SHISA9: variants seen among roughly 807,000 people sequenced by gnomAD.
SHISA9 encodes shisa family member 9.
Under a neutral mutation model 38.0 loss-of-function variants are expected in SHISA9, and 13 were observed. That is an observed-to-expected ratio of 0.34 (90% CI 0.22 to 0.54). The LOEUF is 0.54. Among genes scored for constraint, SHISA9 ranks in the 20% least tolerant of loss-of-function variants. The pLI is 0.91. For missense variants in SHISA9, 538 were observed against 575.8 expected, an observed-to-expected ratio of 0.93 and a Z score of 0.67; for synonymous variants, 275 against 242.0, an observed-to-expected ratio of 1.14 and a Z score of -1.27.
the SHISA9 span, among the ~76,000 whole-genome samples, chr16:13,450,997 A>T: frequency 1.3e-5 from 2 of 152,094 alleles, no homozygotes; most frequent in Admixed American, 6.6e-5. Flanking sequence ...CAGTGGTATC[A>T]TCCACAACTG....
the SHISA9 span, among the ~76,000 whole-genome samples, chr16:13,504,852 A>T: frequency 6.6e-6 from 1 of 152,234 alleles, no homozygotes; most frequent in Admixed American, 6.5e-5. Context: ...AAGGTTAAAC[A>T]AATTACTCAA....
At chr16:13,107,420 G>C (rs1226392094) in intron 2 of SHISA9, among the ~76,000 whole-genome samples, 1 of 151,704 alleles carries the variant, frequency 6.6e-6, no homozygotes, top group Non-Finnish European at 1.5e-5. Context: ...GGGCGACAGA[G>C]AGACTCGGTC....
chr16:13,068,549 T>C (rs1206613852), intron 2 of SHISA9, among the ~76,000 whole-genome samples: 1 of 152,182 alleles, frequency 6.6e-6, no homozygotes, highest in East Asian at 1.9e-4. Context: ...GGAGAGAGGA[T>C]GGGTTGTCAG....
chr16:12,910,713 T>G (rs4781353), intron 1 of SHISA9: 494,048 of 984,456 alleles, frequency 0.5, 127,218 homozygotes, highest in Non-Finnish European at 0.53. Flanking sequence ...AAGCTTAGCT[T>G]CTTCTTCAGG....
intron 2 of SHISA9, among the ~76,000 whole-genome samples, chr16:13,171,087 A>G (rs575528084): frequency 1.3e-5 from 2 of 152,338 alleles, no homozygotes; most frequent in South Asian, 4.1e-4. Context: ...GAAGTTTCCA[A>G]TCACGGCCAA....
chr16:12,995,905 G>A (rs983507143), intron 2 of SHISA9, among the ~76,000 whole-genome samples: 2 of 152,104 alleles, frequency 1.3e-5, no homozygotes, highest in Admixed American at 6.6e-5. Flanking sequence ...ATTGGCCAAA[G>A]CATGGACATA....
At chr16:12,911,257 G>A (rs74621282) in intron 1 of SHISA9, 91 of 985,238 alleles carry the variant, frequency 9.2e-5, no homozygotes, top group African/African-American at 2.8e-4. Context: ...TGGATGCACC[G>A]TAACATCTGA....
chr16:12,980,054 G>C (rs146988770), intron 2 of SHISA9, among the ~76,000 whole-genome samples: 1,809 of 152,302 alleles, frequency 0.012, 12 homozygotes, highest in Non-Finnish European at 0.02. Context: ...ACTGATTCAA[G>C]GAACCACACT....
chr16:13,058,666 G>A lies in SHISA9; in HGVS notation c.691+141851G>A, dbSNP rs114861045. ...TAAGGGAAAAGTGTCATCTTTCGAG[G>A]AGAGGTAGTTGAAAGCTTTTGTACA... On this transcript the variant is annotated intron_variant, in intron 2 of 4. Coordinates refer to ENST00000558583, the MANE Select transcript of SHISA9 (RefSeq NM_001145204.3). 2.6e-3 allele frequency among the ~76,000 whole-genome samples: 391 copies of A among 152,258 alleles called. 1 individual carries two copies. The highest frequency in any genetic ancestry group is 9.1e-3 in the African/African-American group (380 of 41,558).
intron 2 of SHISA9, among the ~76,000 whole-genome samples, chr16:13,159,630 T>C (rs1052709949): frequency 6.6e-6 from 1 of 152,248 alleles, no homozygotes; most frequent in Non-Finnish European, 1.5e-5. Flanking sequence ...TTTCTCTTGA[T>C]AAAGATTTAC....
intron 3 of SHISA9, among the ~76,000 whole-genome samples, chr16:13,210,246 T>C (rs1483986484): frequency 6.6e-6 from 1 of 152,146 alleles, no homozygotes; most frequent in African/African-American, 2.4e-5. Context: ...ACATTGACAT[T>C]TATCTTTCAT....
chr16:13,477,626 G>GA, the SHISA9 span, among the ~76,000 whole-genome samples: 2 of 152,116 alleles, frequency 1.3e-5, no homozygotes, highest in African/African-American at 4.8e-5. Context: ...CAAACAAAAC[G>GA]AAAGTATTTC....
chr16:13,119,516 G>A (rs1363685224), intron 2 of SHISA9, among the ~76,000 whole-genome samples: 1 of 151,948 alleles, frequency 6.6e-6, no homozygotes, highest in Non-Finnish European at 1.5e-5. Context: ...TATATTATAG[G>A]CAATGATATA....
At chr16:12,960,736 C>G (rs951191674) in intron 2 of SHISA9, among the ~76,000 whole-genome samples, 1 of 152,140 alleles carries the variant, frequency 6.6e-6, no homozygotes, top group African/African-American at 2.4e-5. Flanking sequence ...TCCTTTTCAT[C>G]TCCTCCCCTC....
chr16:13,163,277 T>G (rs1186564734), intron 2 of SHISA9, among the ~76,000 whole-genome samples: 4 of 152,192 alleles, frequency 2.6e-5, no homozygotes, highest in African/African-American at 9.6e-5. Flanking sequence ...TCAAATGTCT[T>G]TTAAAAAAGA....
At chr16:13,222,392 T>C (rs1039212303) in intron 4 of SHISA9, among the ~76,000 whole-genome samples, 2 of 152,158 alleles carry the variant, frequency 1.3e-5, no homozygotes, top group African/African-American at 4.8e-5. Context: ...CTCATCTGCA[T>C]TGTTATAGTT....
the SHISA9 span, among the ~76,000 whole-genome samples, chr16:13,444,257 G>A: frequency 6.6e-6 from 1 of 152,126 alleles, no homozygotes; most frequent in Non-Finnish European, 1.5e-5. Context: ...TATAGTCCCA[G>A]CTACTCAGGA....
At chr16:13,016,733 GCATT>G (rs2072762213) in intron 2 of SHISA9, among the ~76,000 whole-genome samples, 1 of 152,162 alleles carries the variant, frequency 6.6e-6, no homozygotes, top group Non-Finnish European at 1.5e-5. Flanking sequence ...TTTTACAAAA[GCATT>G]CATTCATATG....
At chr16:13,401,486 C>A in the SHISA9 span, among the ~76,000 whole-genome samples, 1 of 152,184 alleles carries the variant, frequency 6.6e-6, no homozygotes, top group Admixed American at 6.5e-5. Flanking sequence ...TAGTGAAGGC[C>A]TAACCCCCCA....
Sources: gnomAD v4.1 joint callset for allele counts (sites outside exome capture counted in the v4.1 genomes callset) on GRCh38, gnomAD v4.1.1 for gene constraint, MANE v1.5 for transcripts, NCBI Gene and HGNC (gene_info 2026-07-23, HGNC 2026-07-21) for gene names.